Variants in TBC1D16 observed in about 807,000 individuals in gnomAD.
TBC1D16 encodes the protein TBC1 domain family member 16.
In TBC1D16, 58 loss-of-function variants were observed where a neutral mutation model predicts 74.7. The ratio of observed to expected loss-of-function variants is 0.78; its 90% CI spans 0.63 to 0.97. The LOEUF (loss-of-function observed/expected upper bound fraction) is 0.97. TBC1D16 is among the 50% of genes least tolerant of loss of function. TBC1D16 has a pLI of 0.00. For synonymous variants in TBC1D16, 493 were observed against 474.7 expected, an observed-to-expected ratio of 1.04 and a Z score of -0.50; for missense variants, 1,014 against 1,079.5, an observed-to-expected ratio of 0.94 and a Z score of 0.85.
rs759593097 is a variant in TBC1D16 at position 80,010,559 on chromosome 17, G to C, written c.380C>G (p.Pro127Arg). Residue 127 changes from proline to arginine, a missense_variant, in exon 3 of 12, where the codon CCG becomes CGG. Pro to Arg is a moderately radical substitution (Grantham distance 103). Transcript: ENST00000310924. The surrounding 1 kb of genome is among the most constrained non-coding windows in gnomAD (Gnocchi z 8.8). ...RSSGASHQPS[P>R]TELRPTLTPK... ...GGTCAGGGTAGGCCGCAGCTCCGTC[G>C]GGGAGGGCTGGTGGGAGGCTCCTGA... The C allele has an allele frequency of 6.2e-7, 1 of 1,604,944 alleles. No individual in the cohort carries two copies. Among genetic ancestry groups the C allele is most frequent in the Non-Finnish European group, 8.5e-7 (1 of 1,177,040 alleles).
chr17:80,016,610 G>A (rs1364208510), intron 1 of TBC1D16, among the ~76,000 whole-genome samples: 1 of 140,762 alleles, frequency 7.1e-6, no homozygotes, highest in East Asian at 2.5e-4. Flanking sequence ...GACAGAGGGT[G>A]GGTGGGTGGG....
At chr17:80,027,869 G>A (rs2036634753) in intron 1 of TBC1D16, among the ~76,000 whole-genome samples, 1 of 141,834 alleles carries the variant, frequency 7.1e-6, no homozygotes, top group African/African-American at 2.7e-5. Flanking sequence ...TCCAGCCTGG[G>A]CAACACGGCA....
chr17:79,962,390 T>C (rs1220665158), intron 3 of TBC1D16, among the ~76,000 whole-genome samples: 3 of 151,418 alleles, frequency 2.0e-5, no homozygotes, highest in African/African-American at 7.3e-5. Context: ...AATTTTTGTA[T>C]TTTTAGTAGA....
At position 79,944,953 on chromosome 17, in the gene TBC1D16, C is replaced by A; in HGVS notation, c.1863G>T (p.Glu621Asp). 1 of 1,555,670 alleles carries A rather than the reference C, an allele frequency of 6.4e-7. No homozygotes were observed. The highest frequency in any genetic ancestry group is 1.4e-5 in the African/African-American group (1 of 73,700). Reference protein sequence around the residue: ...LLLCFKREFPEAEALRIWEAC... With the variant: ...LLLCFKREFPDAEALRIWEAC... Reference sequence around the variant, plus strand: ...CCTCCCAGATCCGCAGCGCTTCGGCCTCGGGGAACTCCCGCTTGAAGCACA... The same window carrying A: ...CCTCCCAGATCCGCAGCGCTTCGGCATCGGGGAACTCCCGCTTGAAGCACA... The change falls in exon 10 of 12, where the codon GAG becomes GAT. Residue 621 changes from glutamate to aspartate, a missense_variant. By Grantham distance (45) the Glu-to-Asp change is conservative. Transcript: ENST00000310924. This position sits in a 1 kb window ranked among gnomAD's most constrained non-coding sequence, Gnocchi z 7.7.
rs2035493083 is a variant in TBC1D16, at chr17:80,001,741, T to C, written c.779+8419A>G. Reference sequence around the variant, plus strand: ...TGCACCTGCCCCTGGTCCCTGCTGCTGCTGGAGTGGCCCCTAAGACACGCA... The same window carrying C: ...TGCACCTGCCCCTGGTCCCTGCTGCCGCTGGAGTGGCCCCTAAGACACGCA... On this transcript the variant is annotated intron_variant, in intron 3 of 11. Transcript: ENST00000310924. The surrounding 1 kb of genome is among the most constrained non-coding windows in gnomAD (Gnocchi z 5.8). Among the ~76,000 whole-genome samples, 2 of 152,032 alleles carry C rather than the reference T, an allele frequency of 1.3e-5. No homozygotes were observed. Among genetic ancestry groups the C allele is most frequent in the Admixed American group, 6.6e-5 (1 of 15,262 alleles).
chr17:79,934,631 C>A lies in TBC1D16; in HGVS notation c.*6228G>T, dbSNP rs1178787746. The A allele has an allele frequency of 1.3e-5, 2 of 152,336 alleles. No individual in the cohort carries two copies. Among genetic ancestry groups the A allele is most frequent in the African/African-American group, 4.8e-5 (2 of 41,484 alleles). The allele number at this position is 152,336 out of a possible 1,614,324, so 9.4% of individuals were successfully genotyped here. On this transcript the variant is annotated 3_prime_UTR_variant, in exon 12 of 12. Coordinates refer to ENST00000310924, the MANE Select transcript of TBC1D16 (RefSeq NM_019020.4). ...GCAGGCAGTGCTGGCTCTGCTCTTT[C>A]CTGGGGGAAGCCCACTGCTCCTCCT...
intron 3 of TBC1D16, among the ~76,000 whole-genome samples, chr17:79,953,768 T>C (rs1281060138): frequency 6.6e-6 from 1 of 152,164 alleles, no homozygotes; most frequent in African/African-American, 2.4e-5. Flanking sequence ...TTTTTTCTTT[T>C]TTCTTTTTTT....
In TBC1D16 at chr17:80,010,816, G is replaced by T; in HGVS notation, c.182-59C>A. The T allele has an allele frequency of 7.6e-7, 1 of 1,321,482 alleles. No individual in the cohort carries two copies. The highest frequency in any genetic ancestry group is 1.0e-6 in the Non-Finnish European group (1 of 997,178). 81.9% of individuals were successfully genotyped at this position (1,321,482 alleles called of 1,614,324 possible). On this transcript the variant is annotated intron_variant, in intron 2 of 11. Transcript: ENST00000310924. The surrounding 1 kb of genome is among the most constrained non-coding windows in gnomAD (Gnocchi z 8.8). The stretch of plus-strand genomic sequence containing the variant: ...CCAGGAGGCTGTGGATGAGGCCCTT[G>T]TGGTACCTTTGGCGAGCTGCTCGGA...
chr17:80,006,097 C>T (rs1346896612), intron 3 of TBC1D16, among the ~76,000 whole-genome samples: 1 of 152,196 alleles, frequency 6.6e-6, no homozygotes, highest in Non-Finnish European at 1.5e-5. Context: ...CACCCGAGTC[C>T]TCACCAACAC....
intron 1 of TBC1D16, among the ~76,000 whole-genome samples, chr17:80,032,245 T>C (rs573823658): frequency 2.0e-5 from 3 of 152,200 alleles, no homozygotes; most frequent in Admixed American, 6.5e-5. Flanking sequence ...CATCTCAGCG[T>C]CTGCAGCCCA....
At chr17:80,011,747 AC>A (rs955965026) in intron 2 of TBC1D16, among the ~76,000 whole-genome samples, 1 of 151,596 alleles carries the variant, frequency 6.6e-6, no homozygotes, top group African/African-American at 2.4e-5. Flanking sequence ...AATGGCGTGA[AC>A]CCAGGAGACG....
At position 80,013,393 on chromosome 17, in the gene TBC1D16, A is replaced by G. The variant is rs752811976; in HGVS notation, c.155T>C (p.Leu52Pro). Reference sequence around the variant, plus strand: ...TGGGTGGTGCTCCCCCAGCCCCTGCAGCCCCTCCGGCGGGTGCACGCAGAC... The same window carrying G: ...TGGGTGGTGCTCCCCCAGCCCCTGCGGCCCCTCCGGCGGGTGCACGCAGAC... ...NNVCVHPPEG[L>P]QGLGEHHPGY... Residue 52 changes from leucine to proline, a missense_variant, in exon 2 of 12, where the codon CTG becomes CCG. Physicochemically the swap from Leu to Pro is moderately conservative, Grantham distance 98 (BLOSUM62 -3). Transcript: ENST00000310924. The G allele has an allele frequency of 6.2e-7, 1 of 1,608,660 alleles. No individual in the cohort carries two copies. The highest frequency in any genetic ancestry group is 8.5e-7 in the Non-Finnish European group (1 of 1,178,044).
At chr17:80,030,403 C>T (rs2036734747) in intron 1 of TBC1D16, among the ~76,000 whole-genome samples, 1 of 152,200 alleles carries the variant, frequency 6.6e-6, no homozygotes, top group Non-Finnish European at 1.5e-5. Context: ...AGAATGGACA[C>T]AGGTGGGCTA....
chr17:79,968,626 G>A (rs902117030), intron 3 of TBC1D16, among the ~76,000 whole-genome samples: 1 of 152,100 alleles, frequency 6.6e-6, no homozygotes, highest in Admixed American at 6.6e-5. Context: ...GGCCGAGGCA[G>A]GTGGATCACG....
chr17:79,932,947 G>C lies in TBC1D16; in HGVS notation c.*7912C>G, dbSNP rs950671699. ...AGAGCTGATGACATCGGACCTATCA[G>C]GTCAGACTTATTTTCCTAGTCAGAG... On this transcript the variant is annotated 3_prime_UTR_variant, in exon 12 of 12. Coordinates refer to ENST00000310924, the MANE Select transcript of TBC1D16 (RefSeq NM_019020.4). 1 of 152,124 alleles carries C rather than the reference G, an allele frequency of 6.6e-6. No homozygotes were observed. Among genetic ancestry groups the C allele is most frequent in the East Asian group, 1.9e-4 (1 of 5,196 alleles). The allele number at this position is 152,124 out of a possible 1,614,324, so 9.4% of individuals were successfully genotyped here.
chr17:79,994,768 C>T lies in TBC1D16; in HGVS notation c.779+15392G>A, dbSNP rs188485274. 4.2e-5 allele frequency among the ~76,000 whole-genome samples: 6 copies of T among 143,292 alleles called. No individual in the cohort carries two copies. Among genetic ancestry groups the T allele is most frequent in the Non-Finnish European group, 3.1e-5 (2 of 64,252 alleles). The allele number at this position is 143,292 out of a possible 152,430, so 94.0% of individuals were successfully genotyped here. ...AGCAGGTCGCCAATCTGTGTAGACT[C>T]GTGCTGGCCAAGGCAGTGACCCCAA... On this transcript the variant is annotated intron_variant, in intron 3 of 11. Coordinates refer to ENST00000310924, the MANE Select transcript of TBC1D16 (RefSeq NM_019020.4). This position sits in a 1 kb window ranked among gnomAD's most constrained non-coding sequence, Gnocchi z 4.6.
At chr17:79,960,732 G>A (rs1018098251) in intron 3 of TBC1D16, among the ~76,000 whole-genome samples, 3 of 131,998 alleles carry the variant, frequency 2.3e-5, no homozygotes, top group African/African-American at 8.8e-5. Flanking sequence ...TTCAGCCCGA[G>A]CGACAGAGTG....
chr17:79,965,697 C>T (rs1198704219), intron 3 of TBC1D16, among the ~76,000 whole-genome samples: 6 of 152,330 alleles, frequency 3.9e-5, no homozygotes, highest in African/African-American at 1.2e-4. Flanking sequence ...ACATTCCTGA[C>T]TCTTTTGGCA....
In TBC1D16 at chr17:79,940,833, C is replaced by A. The variant is rs780042267; in HGVS notation, c.*26G>T. 1.3e-6 allele frequency: 2 copies of A among 1,514,448 alleles called. No individual in the cohort carries two copies. The highest frequency in any genetic ancestry group is 2.3e-5 in the East Asian group (1 of 42,942). The allele number at this position is 1,514,448 out of a possible 1,614,324, so 93.8% of individuals were successfully genotyped here. ...AGGGCCTCTGAGGAGGTCCCCTCAACCCCTGTCCGGTGTCGGGGGCCCGAC... is the reference window on the plus strand; with the variant it reads ...AGGGCCTCTGAGGAGGTCCCCTCAAACCCTGTCCGGTGTCGGGGGCCCGAC... On this transcript the variant is annotated 3_prime_UTR_variant, in exon 12 of 12. Transcript: ENST00000310924. This position sits in a 1 kb window ranked among gnomAD's most constrained non-coding sequence, Gnocchi z 5.4.
Sources: allele counts gnomAD v4.1 joint callset (sites outside exome capture counted in the v4.1 genomes callset), GRCh38; gene constraint gnomAD v4.1.1; non-coding constraint Gnocchi (gnomAD v3.1); transcripts MANE v1.5; gene names NCBI Gene and HGNC (gene_info 2026-07-23, HGNC 2026-07-21).